Variants in CCNJL observed in about 807,000 individuals in gnomAD.
CCNJL encodes the protein cyclin J like.
A neutral mutation model predicts 33.4 loss-of-function variants in CCNJL; 33 were observed. The observed-to-expected ratio is 0.99, with a 90% CI of 0.75 to 1.32. The LOEUF is 1.32. Ranked by LOEUF, CCNJL falls within the 40% of genes most tolerant of loss-of-function variation. CCNJL has a pLI of 0.00. For synonymous variants in CCNJL, 227 were observed against 220.9 expected (o/e 1.03, Z -0.24); for missense variants, 512 against 499.7 (o/e 1.02, Z -0.23).
chr5:160,331,220 T>C lies in CCNJL; in HGVS notation n.206+8225A>G, dbSNP rs189053003. ...TGAATCTTTTCTTTTCTTTCTTTCT[T>C]TCTTTTTTTTTTTTTTTTTGTGAGA... On this transcript the variant is annotated intron_variant and non_coding_transcript_variant, in intron 1 of 7. Coordinates refer to the CCNJL transcript ENST00000377503. Among the ~76,000 whole-genome samples the C allele has an allele frequency of 1.1e-3, 161 of 149,564 alleles. 4 individuals carry two copies. In the East Asian group the frequency reaches 0.029, roughly 27 times the overall value.
At chr5:160,332,065 A>C (rs1205256139) in intron 1 of CCNJL, among the ~76,000 whole-genome samples, 6 of 152,106 alleles carry the variant, frequency 3.9e-5, no homozygotes, top group African/African-American at 1.4e-4. Context: ...TCCAAGATGA[A>C]TATTTCATGC....
Position 160,252,901 on chromosome 5 carries a change from A to C in CCNJL, c.*477T>G, listed in dbSNP as rs562774850. ...TACACACCAACTCAGGCCCCTCTGC[A>C]TAGAGCCAGGGAAAGAAAAGCACCC... On this transcript the variant is annotated 3_prime_UTR_variant, in exon 6 of 6. Coordinates refer to ENST00000257536, the MANE Select transcript of CCNJL (RefSeq NM_001308173.3). 1 of 154,364 alleles carries C rather than the reference A, an allele frequency of 6.5e-6. No homozygotes were observed. The highest frequency in any genetic ancestry group is 2.1e-4 in the South Asian group (1 of 4,840). 9.6% of individuals were successfully genotyped at this position (154,364 alleles called of 1,614,324 possible). A position where few individuals can be genotyped will look rare whatever the true frequency, so the allele number is the denominator to read the frequency against.
At chr5:160,327,745 C>CA (rs1459447055) in intron 1 of CCNJL, among the ~76,000 whole-genome samples, 7 of 152,228 alleles carry the variant, frequency 4.6e-5, no homozygotes, top group Admixed American at 3.9e-4. Flanking sequence ...AACACCCTCA[C>CA]ATTGACTTTG....
intron 3 of CCNJL, among the ~76,000 whole-genome samples, chr5:160,263,313 A>G (rs906888695): frequency 1.3e-5 from 2 of 152,218 alleles, no homozygotes; most frequent in African/African-American, 4.8e-5. Context: ...TAATGCAATC[A>G]CATTTTCTAA....
At chr5:160,283,537 C>T (rs1483975641) in intron 2 of CCNJL, among the ~76,000 whole-genome samples, 3 of 152,158 alleles carry the variant, frequency 2.0e-5, no homozygotes, top group Non-Finnish European at 2.9e-5. Context: ...GTACAGGAGA[C>T]GTTTTGATAC....
chr5:160,331,630 C>A (rs1240856701), intron 1 of CCNJL, among the ~76,000 whole-genome samples: 1 of 152,168 alleles, frequency 6.6e-6, no homozygotes, highest in Non-Finnish European at 1.5e-5. Context: ...TTGCATCTAC[C>A]CTTAACCCTC....
At chr5:160,293,973 G>A (rs1762670221) in intron 2 of CCNJL, among the ~76,000 whole-genome samples, 1 of 152,042 alleles carries the variant, frequency 6.6e-6, no homozygotes, top group Admixed American at 6.5e-5. Context: ...CCCTACTGCT[G>A]CCAACAAGAG....
intron 3 of CCNJL, among the ~76,000 whole-genome samples, chr5:160,263,860 T>C (rs1320470450): frequency 6.6e-6 from 1 of 152,194 alleles, no homozygotes; most frequent in Non-Finnish European, 1.5e-5. Context: ...AAGGAAGTTT[T>C]AAAAATCATA....
chr5:160,261,941 T>A (rs1761354029), intron 3 of CCNJL, among the ~76,000 whole-genome samples: 1 of 152,230 alleles, frequency 6.6e-6, no homozygotes, highest in South Asian at 2.1e-4. Context: ...GTTAAATGAA[T>A]GAATAGTCCT....
At chr5:160,321,468 G>C (rs1383889783) in intron 1 of CCNJL, among the ~76,000 whole-genome samples, 1 of 152,148 alleles carries the variant, frequency 6.6e-6, no homozygotes, top group Admixed American at 6.5e-5. Context: ...TCTATGAGGG[G>C]CTTCCGTAGC....
At chr5:160,260,856 A>G (rs1014900868) in intron 3 of CCNJL, among the ~76,000 whole-genome samples, 2 of 151,936 alleles carry the variant, frequency 1.3e-5, no homozygotes, top group African/African-American at 4.8e-5. Context: ...TGCCTCTCAG[A>G]AGACGCCCTC....
intron 1 of CCNJL, chr5:160,326,679 T>C: frequency 2.3e-6 from 2 of 860,814 alleles, no homozygotes; most frequent in Non-Finnish European, 2.0e-6. Context: ...GTGTGCTCTT[T>C]GTGAAATTCC....
At chr5:160,256,842 C>T (rs530890617) in intron 4 of CCNJL, among the ~76,000 whole-genome samples, 65 of 150,518 alleles carry the variant, frequency 4.3e-4, no homozygotes, top group African/African-American at 1.5e-3. Context: ...CGCTTGAACC[C>T]GGGAGGTGGA....
At position 160,311,971 on chromosome 5, in the gene CCNJL, C is replaced by G; in HGVS notation, c.-48G>C. ...GAGGCTACCCGGCTCTCAGGGCGCA[C>G]CCTGCGTGGACACGGGCAACTTCAG... is the stretch of plus-strand genomic sequence containing the variant. On this transcript the variant is annotated splice_region_variant and 5_prime_UTR_variant, in exon 2 of 6. Coordinates refer to ENST00000257536, the MANE Select transcript of CCNJL (RefSeq NM_001308173.3). 6.3e-7 allele frequency: 1 copy of G among 1,581,660 alleles called. No homozygotes were observed. Among genetic ancestry groups the G allele is most frequent in the Non-Finnish European group, 8.7e-7 (1 of 1,151,342 alleles).
In CCNJL at chr5:160,311,863, C is replaced by A. The variant is rs1185598331; in HGVS notation, c.61G>T (p.Glu21Ter). The change falls in exon 2 of 6, where the codon GAG (glutamate) becomes TAG (stop). Residue 21 changes from glutamate to a stop codon, truncating the protein, a stop_gained. Coordinates refer to ENST00000257536, the MANE Select transcript of CCNJL (RefSeq NM_001308173.3). LOFTEE classifies it high-confidence loss of function. ...AAGGGCAGGGAGGGACTGACCTTCT[C>A]GCGCAGGGTGCAGTGGACGTCCGAG... The part of the protein sequence containing the change: ...VASDVHCTLR[E>*]KELKLPTFRA... 1.2e-6 allele frequency: 2 copies of A among 1,614,086 alleles called. No individual in the cohort carries two copies. The highest frequency in any genetic ancestry group is 1.7e-6 in the Non-Finnish European group (2 of 1,179,906).
At chr5:160,254,006 C>T (rs1456417972) in intron 5 of CCNJL, 5 of 479,376 alleles carry the variant, frequency 1.0e-5, no homozygotes, top group Admixed American at 3.8e-5. Flanking sequence ...GGATCTGCTT[C>T]CTACAGAAAA....
chr5:160,335,135 C>T (rs773612707), intron 1 of CCNJL, among the ~76,000 whole-genome samples: 1 of 152,102 alleles, frequency 6.6e-6, no homozygotes, highest in Non-Finnish European at 1.5e-5. Flanking sequence ...TGGTGGCATG[C>T]GCCTGTAATC....
intron 2 of CCNJL, among the ~76,000 whole-genome samples, chr5:160,286,732 T>C (rs1282788583): frequency 1.3e-5 from 2 of 152,144 alleles, no homozygotes; most frequent in Non-Finnish European, 2.9e-5. Context: ...TACAGCGTGC[T>C]GGAAGGGGCT....
Position 160,252,238 on chromosome 5 carries a change from G to A in CCNJL, c.*1140C>T, listed in dbSNP as rs1329905392. 1.3e-5 allele frequency: 2 copies of A among 152,624 alleles called. No individual in the cohort carries two copies. The highest frequency in any genetic ancestry group is 4.8e-5 in the African/African-American group (2 of 41,434). The allele number at this position is 152,624 out of a possible 1,614,324, so 9.5% of individuals were successfully genotyped here. ...CTCTCGCTGCAGATCCCTAAATACT[G>A]GCTTTTGATCCAACCAGTCGCTTGC... is the stretch of plus-strand genomic sequence containing the variant. On this transcript the variant is annotated 3_prime_UTR_variant, in exon 6 of 6. Coordinates refer to ENST00000257536, the MANE Select transcript of CCNJL (RefSeq NM_001308173.3).
Sources: gnomAD v4.1 joint callset for allele counts (sites outside exome capture counted in the v4.1 genomes callset) on GRCh38, gnomAD v4.1.1 for gene constraint, MANE v1.5 for transcripts, NCBI Gene and HGNC (gene_info 2026-07-23, HGNC 2026-07-21) for gene names.